Variants in BPIFB3 observed in about 807,000 individuals in gnomAD.
The protein encoded by BPIFB3 is BPI fold-containing family B member 3.
In BPIFB3, 49 loss-of-function variants were observed where a neutral mutation model predicts 53.1. The observed-to-expected ratio is 0.92, with a 90% CI of 0.73 to 1.17. The LOEUF (loss-of-function observed/expected upper bound fraction) is 1.17, where lower values mean the gene tolerates loss of function less well. Among genes scored for constraint, BPIFB3 ranks in the 50% most tolerant of loss-of-function variants. The pLI is 0.00. For synonymous variants in BPIFB3, 271 were observed against 269.6 expected (o/e 1.01, Z -0.05); for missense variants, 628 against 592.5 (o/e 1.06, Z -0.62).
exon 8 of BPIFB3, chr20:33,064,782 C>G (rs763008612): frequency 6.2e-7 from 1 of 1,614,136 alleles, no homozygotes; most frequent in Non-Finnish European, 8.5e-7. Context: ...TGTACCTCTT[C>G]AACACCACGT....
intron 12 of BPIFB3, among the ~76,000 whole-genome samples, 159 bp from the exon 14 acceptor site, chr20:33,071,944 AC>A (rs971023250): frequency 6.6e-6 from 1 of 151,958 alleles, no homozygotes; most frequent in African/African-American, 2.4e-5. Flanking sequence ...AGCCCAGGCC[AC>A]CCCCAAGTGC....
chr20:33,070,523 C>T (rs925403121), intron 11 of BPIFB3, among the ~76,000 whole-genome samples: 11 of 152,246 alleles, frequency 7.2e-5, no homozygotes, highest in East Asian at 3.8e-4. Context: ...CAGGCTCACA[C>T]GGCAGGCCGT....
At chr20:33,061,893 G>C (rs866264515) in intron 5 of BPIFB3, 62 bp downstream of exon 6, 1 of 1,585,960 alleles carries the variant, frequency 6.3e-7, no homozygotes, top group South Asian at 1.1e-5. Flanking sequence ...TTCCCCCTCT[G>C]GTTTTGGGTG....
At chr20:33,072,423 A>G (rs1346500138) in intron 13 of BPIFB3, among the ~76,000 whole-genome samples, 1 of 152,220 alleles carries the variant, frequency 6.6e-6, no homozygotes, top group Non-Finnish European at 1.5e-5. Flanking sequence ...GTCTAGTAGG[A>G]AATAATCATA....
intron 10 of BPIFB3, 92 bp downstream of exon 11, chr20:33,069,065 T>G: frequency 7.1e-7 from 1 of 1,411,394 alleles, no homozygotes; most frequent in African/African-American, 1.4e-5. Context: ...TCCCCCTGAT[T>G]TCAGGGTGGG....
intron 9 of BPIFB3, among the ~76,000 whole-genome samples, chr20:33,068,230 A>G (rs1980743212): frequency 3.9e-5 from 6 of 152,214 alleles, no homozygotes; most frequent in Admixed American, 3.9e-4. Context: ...AGAAACAGAG[A>G]CAGTGTCAGA....
intron 12 of BPIFB3, among the ~76,000 whole-genome samples, 180 bp from the exon 14 acceptor site, chr20:33,071,924 A>G (rs554058724): frequency 6.6e-6 from 1 of 152,324 alleles, no homozygotes; most frequent in South Asian, 2.1e-4. Flanking sequence ...TTTCGAGGTC[A>G]CTGGTGGACA....
At chr20:33,069,578 C>G (rs1233817742) in intron 10 of BPIFB3, among the ~76,000 whole-genome samples, 3 of 152,194 alleles carry the variant, frequency 2.0e-5, no homozygotes, top group African/African-American at 7.2e-5. Context: ...TTTCAAGATT[C>G]AACTGTTACC....
At chr20:33,069,781 T>C in intron 10 of BPIFB3, 107 bp from the exon 12 acceptor site, 1 of 1,102,808 alleles carries the variant, frequency 9.1e-7, no homozygotes, top group Non-Finnish European at 1.4e-6. Flanking sequence ...TGACACACAG[T>C]AGGGCCTCAG....
downstream of BPIFB3, chr20:33,073,683 T>C: frequency 6.5e-7 from 1 of 1,539,438 alleles, no homozygotes; most frequent in Non-Finnish European, 8.9e-7. Flanking sequence ...TCCCTCCCAG[T>C]CTCTAGCTGA....
chr20:33,069,807 G>C (rs76023443), intron 10 of BPIFB3, 81 bp from the exon 12 acceptor site: 12 of 1,409,548 alleles, frequency 8.5e-6, no homozygotes, highest in Middle Eastern at 4.1e-4. Flanking sequence ...GTTAGTGGAC[G>C]GAACAGATGG....
At chr20:33,072,653 G>C in intron 13 of BPIFB3, 64 bp from the exon 15 acceptor site, 1 of 1,400,484 alleles carries the variant, frequency 7.1e-7, no homozygotes, top group South Asian at 1.2e-5. Flanking sequence ...AGGGTCCGAG[G>C]GTTCCTAGGG....
At chr20:33,066,643 T>C (rs1980681880) in intron 8 of BPIFB3, among the ~76,000 whole-genome samples, 181 bp from the exon 10 acceptor site, 1 of 152,252 alleles carries the variant, frequency 6.6e-6, no homozygotes, top group Admixed American at 6.5e-5. Context: ...AGCATCTGTC[T>C]GGCATGCAGT....
chr20:33,054,041 T>C (rs1980092689), upstream of BPIFB3, among the ~76,000 whole-genome samples: 2 of 152,088 alleles, frequency 1.3e-5, no homozygotes. Context: ...CCCTCCCATA[T>C]GAATGATGGG....
chr20:33,066,898 T>G, intron 9 of BPIFB3, 21 bp downstream of exon 10: 1 of 1,611,684 alleles, frequency 6.2e-7, no homozygotes, highest in Non-Finnish European at 8.5e-7. Flanking sequence ...CTCTCATGGG[T>G]TTTGATCATT....
intron 2 of BPIFB3, among the ~76,000 whole-genome samples, chr20:33,059,109 T>C (rs561799472): frequency 8.2e-4 from 124 of 152,144 alleles, no homozygotes; most frequent in Non-Finnish European, 1.3e-3. Context: ...GTGATGATGA[T>C]AGGACATTTG....
chr20:33,057,176 G>A (rs929371954), intron 2 of BPIFB3, among the ~76,000 whole-genome samples: 1 of 151,798 alleles, frequency 6.6e-6, no homozygotes, highest in Non-Finnish European at 1.5e-5. Context: ...CACAGTGTAT[G>A]CTCAAAAAGC....
chr20:33,059,739 G>T (rs1280605862), intron 3 of BPIFB3, 152 bp from the exon 5 acceptor site: 2 of 1,171,334 alleles, frequency 1.7e-6, no homozygotes, highest in Non-Finnish European at 2.4e-6. Flanking sequence ...AGAGGGTCAG[G>T]GAAGAGGGTG....
intron 3 of BPIFB3, 115 bp from the exon 5 acceptor site, chr20:33,059,776 G>A: frequency 2.8e-6 from 4 of 1,420,458 alleles, no homozygotes; most frequent in South Asian, 2.7e-5. Flanking sequence ...GGGGCAGGGA[G>A]GCAGAGGCTG....
Sources: gnomAD v4.1 joint callset for allele counts (sites outside exome capture counted in the v4.1 genomes callset) on GRCh38, gnomAD v4.1.1 for gene constraint, MANE v1.5 for transcripts, NCBI Gene and HGNC (gene_info 2026-07-23, HGNC 2026-07-21) for gene names.